The following ECPAS variants were observed in gnomAD, a reference collection of about 807,000 sequenced individuals.
The protein encoded by ECPAS is Ecm29 proteasome adaptor and scaffold.
In ECPAS, 70 loss-of-function variants were observed where a neutral mutation model predicts 255.1. The ratio of observed to expected loss-of-function variants is 0.27; its 90% CI spans 0.23 to 0.33. The LOEUF is 0.33. Among genes scored for constraint, ECPAS ranks in the 10% least tolerant of loss-of-function variants. The probability of loss-of-function intolerance (pLI) is 1.00; values close to 1 mark genes in which losing one functional copy is unlikely to be tolerated. For missense variants in ECPAS, 1,817 were observed against 2,206.4 expected, an observed-to-expected ratio of 0.82 and a Z score of 3.54; for synonymous variants, 784 against 775.0, an observed-to-expected ratio of 1.01 and a Z score of -0.19.
At chr9:111,409,964 C>T in intron 23 of ECPAS, 77 bp downstream of exon 23, 1 of 1,045,534 alleles carries the variant, frequency 9.6e-7, no homozygotes, top group South Asian at 1.6e-5. Context: ...CATCTATTCT[C>T]ATTATAATCT....
Position 111,371,614 on chromosome 9 carries a change from C to T in ECPAS, c.4737+7G>A, listed in dbSNP as rs754491585. The T allele has an allele frequency of 1.9e-6, 3 of 1,611,838 alleles. No individual in the cohort carries two copies. The East Asian group carries it at 6.7e-5, about 36-fold the overall frequency. On this transcript the variant is annotated splice_region_variant and intron_variant, in intron 43 of 49. Transcript: ENST00000684092. Reference sequence around the variant, plus strand: ...TCCCTTTAACTGGGTATGAATGGTTCCTTTACCTTTCCTGCCCACGTTCTT... The same window carrying T: ...TCCCTTTAACTGGGTATGAATGGTTTCTTTACCTTTCCTGCCCACGTTCTT...
At chr9:111,423,286 C>T (rs1314491567) in intron 12 of ECPAS, 38 bp from the exon 13 acceptor site, 3 of 1,428,402 alleles carry the variant, frequency 2.1e-6, no homozygotes, top group African/African-American at 2.9e-5. Context: ...AAAGAAAGAA[C>T]AAAAAACAGA....
At chr9:111,423,125 GC>G in intron 13 of ECPAS, 73 bp downstream of exon 13, 1 of 980,148 alleles carries the variant, frequency 1.0e-6, no homozygotes. Context: ...TTTATTCTCC[GC>G]CATTATTAAA....
At chr9:111,453,447 A>T (rs2098263006) in intron 2 of ECPAS, among the ~76,000 whole-genome samples, 1 of 151,808 alleles carries the variant, frequency 6.6e-6, no homozygotes, top group Non-Finnish European at 1.5e-5. Flanking sequence ...GAAGAGGCAA[A>T]TTTTTCTTAT....
At chr9:111,479,277 G>A (rs2098300500) in intron 1 of ECPAS, among the ~76,000 whole-genome samples, 1 of 152,140 alleles carries the variant, frequency 6.6e-6, no homozygotes, top group Non-Finnish European at 1.5e-5. Flanking sequence ...GGAGTAATAA[G>A]TACTTAATAC....
rs1479003246 is a variant in ECPAS, at chr9:111,451,443, T to C, written c.135A>G (p.Gln45=). The C allele has an allele frequency of 3.2e-6, 5 of 1,573,828 alleles. No homozygotes were observed. In the East Asian group the frequency reaches 1.2e-4, roughly 36 times the overall value. The change falls in exon 3 of 50, where the codon CAA becomes CAG. Residue 45 remains glutamine, a synonymous_variant. Coordinates refer to ENST00000684092, the MANE Select transcript of ECPAS (RefSeq NM_001364929.1). The part of the protein sequence containing the change: ...PPVLLKLSST[Q]EGVRKKVMEL... Reference sequence around the variant, plus strand: ...TGCTTACCTTTTTACGTACTCCTTCTTGGGTGCTAGAGAGTTTGAGCAAAA... The same window carrying C: ...TGCTTACCTTTTTACGTACTCCTTCCTGGGTGCTAGAGAGTTTGAGCAAAA...
chr9:111,419,401 T>A (rs935413790), intron 16 of ECPAS, among the ~76,000 whole-genome samples: 2 of 152,156 alleles, frequency 1.3e-5, no homozygotes, highest in African/African-American at 4.8e-5. Flanking sequence ...GTAAGACATA[T>A]AACAGATTTG....
chr9:111,435,528 C>T (rs2098236683), intron 7 of ECPAS, among the ~76,000 whole-genome samples: 1 of 152,124 alleles, frequency 6.6e-6, no homozygotes, highest in Non-Finnish European at 1.5e-5. Flanking sequence ...CCTGGTAAAT[C>T]TCAAAACCTC....
At chr9:111,470,746 CCACACACACA>C (rs57091815) in intron 2 of ECPAS, among the ~76,000 whole-genome samples, 36 of 124,580 alleles carry the variant, frequency 2.9e-4, no homozygotes, top group East Asian at 7.0e-4. Flanking sequence ...TCTCCTCCCG[CCACACACACA>C]CACACACACA....
chr9:111,450,858 G>A (rs1239264738), intron 3 of ECPAS, among the ~76,000 whole-genome samples: 1 of 152,154 alleles, frequency 6.6e-6, no homozygotes, highest in Admixed American at 6.5e-5. Context: ...CCAGAAGATC[G>A]AGGCTGCTGT....
rs1174853467 is a variant in ECPAS, at chr9:111,437,248, A to T, written c.540-140T>A. ...GAACACTTGAAATTAAAATTTCATCATAAAAAAAATTTTAAGGTATCTAAA... is the reference window on the plus strand; with the variant it reads ...GAACACTTGAAATTAAAATTTCATCTTAAAAAAAATTTTAAGGTATCTAAA... On this transcript the variant is annotated intron_variant, in intron 6 of 49. Coordinates refer to ENST00000684092, the MANE Select transcript of ECPAS (RefSeq NM_001364929.1). 5.7e-6 allele frequency: 4 copies of T among 704,744 alleles called. No individual in the cohort carries two copies. In the East Asian group the frequency reaches 1.4e-4, roughly 24 times the overall value. 43.7% of individuals were successfully genotyped at this position (704,744 alleles called of 1,614,324 possible).
At chr9:111,452,450 A>T (rs192824145) in intron 2 of ECPAS, among the ~76,000 whole-genome samples, 8 of 152,328 alleles carry the variant, frequency 5.3e-5, no homozygotes. Flanking sequence ...TATTTAAAGG[A>T]ATCTTTTTTT....
At chr9:111,481,367 G>T (rs527717250) in intron 1 of ECPAS, among the ~76,000 whole-genome samples, 63 of 152,240 alleles carry the variant, frequency 4.1e-4, no homozygotes, top group African/African-American at 1.3e-3. Flanking sequence ...TTAGCCGGGC[G>T]TGGTGGCGGG....
At chr9:111,411,822 G>T in intron 21 of ECPAS, 192 bp downstream of exon 21, 1 of 494,716 alleles carries the variant, frequency 2.0e-6, no homozygotes, top group Non-Finnish European at 3.5e-6. Context: ...GTGCTTATCA[G>T]ACACAGCACC....
At chr9:111,372,190 T>C (rs1260587059) in intron 42 of ECPAS, among the ~76,000 whole-genome samples, 1 of 152,238 alleles carries the variant, frequency 6.6e-6, no homozygotes, top group Non-Finnish European at 1.5e-5. Flanking sequence ...TATTCTCTCA[T>C]GTGGGCAGTG....
intron 1 of ECPAS, 124 bp downstream of exon 1, chr9:111,483,992 C>G: frequency 3.0e-6 from 3 of 1,000,176 alleles, no homozygotes; most frequent in Non-Finnish European, 3.6e-6. Context: ...CACCTGTCGC[C>G]GCCCGCCCCG....
intron 25 of ECPAS, 38 bp downstream of exon 25, chr9:111,396,992 C>T: frequency 6.2e-7 from 1 of 1,612,742 alleles, no homozygotes; most frequent in East Asian, 2.2e-5. Flanking sequence ...AAAAAGGTTA[C>T]TTGATCATTA....
At chr9:111,391,009 C>T (rs1427692775) in intron 29 of ECPAS, among the ~76,000 whole-genome samples, 7 of 152,162 alleles carry the variant, frequency 4.6e-5, no homozygotes, top group African/African-American at 7.2e-5. Flanking sequence ...TGGGCTCCCA[C>T]GCAGCAGCCC....
At chr9:111,482,062 G>A (rs990282930) in intron 1 of ECPAS, among the ~76,000 whole-genome samples, 1 of 152,170 alleles carries the variant, frequency 6.6e-6, no homozygotes, top group African/African-American at 2.4e-5. Flanking sequence ...CAATCCCACT[G>A]AACTGTACAC....
Sources: allele counts gnomAD v4.1 joint callset (sites outside exome capture counted in the v4.1 genomes callset), GRCh38; gene constraint gnomAD v4.1.1; transcripts MANE v1.5; gene names NCBI Gene and HGNC (gene_info 2026-07-23, HGNC 2026-07-21).